Variants in LAMA2 observed in about 807,000 individuals in gnomAD.
LAMA2 encodes laminin subunit alpha 2.
Under a neutral mutation model 364.8 loss-of-function variants are expected in LAMA2, and 269 were observed. The observed-to-expected ratio is 0.74, with a 90% CI of 0.67 to 0.82. The LOEUF (loss-of-function observed/expected upper bound fraction) is 0.82. LAMA2 is among the 40% of genes least tolerant of loss of function. The pLI is 0.00. For missense variants in LAMA2, 3,807 were observed against 3,873.2 expected (o/e 0.98, Z 0.45); for synonymous variants, 1,379 against 1,370.6 (o/e 1.01, Z -0.14).
At chr6:129,036,763 G>T (rs1355965687) in intron 1 of LAMA2, among the ~76,000 whole-genome samples, 1 of 152,114 alleles carries the variant, frequency 6.6e-6, no homozygotes, top group Non-Finnish European at 1.5e-5. Flanking sequence ...CCTATAAACA[G>T]GAATAGAATA....
intron 1 of LAMA2, among the ~76,000 whole-genome samples, chr6:129,046,739 A>G (rs1787536159): frequency 6.6e-6 from 1 of 152,072 alleles, no homozygotes; most frequent in South Asian, 2.1e-4. Context: ...AAGTACTCTG[A>G]CTCACTCATC....
At chr6:129,289,339 C>T (rs1168507200) in intron 19 of LAMA2, among the ~76,000 whole-genome samples, 1 of 152,094 alleles carries the variant, frequency 6.6e-6, no homozygotes, top group Admixed American at 6.6e-5. Flanking sequence ...GATATTTGAC[C>T]TCCTTGAGAC....
At chr6:129,320,789 C>A in intron 28 of LAMA2, 134 bp downstream of exon 28, 2 of 694,846 alleles carry the variant, frequency 2.9e-6, no homozygotes, top group South Asian at 3.0e-5. Flanking sequence ...GTGTGAGACA[C>A]AGTGGCAAGA....
chr6:129,468,155 G>T lies in LAMA2; in HGVS notation c.7300+2866G>T, dbSNP rs188858797. Among the ~76,000 whole-genome samples the T allele has an allele frequency of 1.2e-3, 175 of 151,672 alleles. 1 individual carries two copies. The highest frequency in any genetic ancestry group is 2.1e-3 in the Non-Finnish European group (140 of 67,804). ...AGCAGTCATTCTCACTTTTATTTTGGGTATTAATGACATGAATCATTCTCC... is the reference window on the plus strand; with the variant it reads ...AGCAGTCATTCTCACTTTTATTTTGTGTATTAATGACATGAATCATTCTCC... On this transcript the variant is annotated intron_variant, in intron 51 of 64. Transcript: ENST00000421865.
chr6:129,440,349 A>G (rs1782044828), intron 42 of LAMA2, among the ~76,000 whole-genome samples: 1 of 151,834 alleles, frequency 6.6e-6, no homozygotes, highest in African/African-American at 2.4e-5. Context: ...AAAATTTCCA[A>G]TGCTGAAAAC....
chr6:129,373,401 C>T (rs1250482448), intron 34 of LAMA2, among the ~76,000 whole-genome samples: 1 of 152,140 alleles, frequency 6.6e-6, no homozygotes, highest in African/African-American at 2.4e-5. Context: ...TACTCCATTC[C>T]CAGTCTCCCC....
At chr6:129,312,179 A>C (rs1305184873) in intron 22 of LAMA2, among the ~76,000 whole-genome samples, 2 of 152,058 alleles carry the variant, frequency 1.3e-5, no homozygotes, top group Admixed American at 6.6e-5. Context: ...CCCAAGCTTC[A>C]GAAAATTCTA....
chr6:129,421,213 T>G (rs1781056313), intron 40 of LAMA2, among the ~76,000 whole-genome samples: 1 of 152,086 alleles, frequency 6.6e-6, no homozygotes, highest in African/African-American at 2.4e-5. Flanking sequence ...ACGTTTTAAA[T>G]TATCTCACAT....
chr6:129,076,451 TATATATA>T (rs1345495828), intron 3 of LAMA2, among the ~76,000 whole-genome samples: 2 of 141,962 alleles, frequency 1.4e-5, no homozygotes, highest in Non-Finnish European at 3.0e-5. Flanking sequence ...TATAATATAT[TATATATA>T]ATATATAATA....
intron 1 of LAMA2, among the ~76,000 whole-genome samples, chr6:128,914,918 A>T (rs1418380749): frequency 6.6e-6 from 1 of 152,156 alleles, no homozygotes; most frequent in Non-Finnish European, 1.5e-5. Context: ...CCATTTTTAA[A>T]TCATATTAAA....
chr6:128,895,852 G>T (rs1490168383), intron 1 of LAMA2, among the ~76,000 whole-genome samples: 1 of 152,038 alleles, frequency 6.6e-6, no homozygotes, highest in Non-Finnish European at 1.5e-5. Context: ...TCTAGCCTTT[G>T]AAGTTTTGTG....
At chr6:129,108,301 G>T (rs1470307253) in intron 4 of LAMA2, among the ~76,000 whole-genome samples, 1 of 151,944 alleles carries the variant, frequency 6.6e-6, no homozygotes, top group Non-Finnish European at 1.5e-5. Flanking sequence ...GGAATTTAAT[G>T]TATGTCAGTT....
At chr6:129,238,386 G>A (rs968747470) in intron 12 of LAMA2, among the ~76,000 whole-genome samples, 10 of 152,160 alleles carry the variant, frequency 6.6e-5, no homozygotes, top group African/African-American at 2.4e-4. Context: ...ACCCTTCAAA[G>A]TAGGTATTTT....
At chr6:128,960,462 A>ACCC (rs201946370) in intron 1 of LAMA2, among the ~76,000 whole-genome samples, 15 of 99,574 alleles carry the variant, frequency 1.5e-4, no homozygotes, top group African/African-American at 5.6e-4. Context: ...CCTTGGCCCC[A>ACCC]CCCCGCCCCC....
chr6:128,945,636 G>A (rs187963139), intron 1 of LAMA2, among the ~76,000 whole-genome samples: 16 of 152,332 alleles, frequency 1.1e-4, no homozygotes, highest in African/African-American at 3.8e-4. Flanking sequence ...TGACTTTTAA[G>A]TTGTGGTTGC....
At chr6:129,484,938 A>G (rs1027623482) in intron 55 of LAMA2, among the ~76,000 whole-genome samples, 14 of 152,328 alleles carry the variant, frequency 9.2e-5, no homozygotes, top group African/African-American at 2.2e-4. Context: ...TTACATGTAT[A>G]TCACTCATAT....
intron 4 of LAMA2, among the ~76,000 whole-genome samples, chr6:129,131,072 A>G (rs1057404088): frequency 6.6e-6 from 1 of 152,216 alleles, no homozygotes; most frequent in African/African-American, 2.4e-5. Flanking sequence ...AACCTATTAT[A>G]AATTCTTCTG....
chr6:129,463,010 T>A (rs1254981220), intron 49 of LAMA2, among the ~76,000 whole-genome samples: 1 of 152,018 alleles, frequency 6.6e-6, no homozygotes, highest in Non-Finnish European at 1.5e-5. Flanking sequence ...TTTTTAAAAG[T>A]GTATCTTATT....
intron 1 of LAMA2, among the ~76,000 whole-genome samples, chr6:129,031,858 C>T (rs1786252582): frequency 6.6e-6 from 1 of 151,586 alleles, no homozygotes; most frequent in Admixed American, 6.6e-5. Flanking sequence ...TGGAGTCTTA[C>T]TCTGTTGCCC....
Sources: gnomAD v4.1 joint callset for allele counts (sites outside exome capture counted in the v4.1 genomes callset) on GRCh38, gnomAD v4.1.1 for gene constraint, MANE v1.5 for transcripts, NCBI Gene and HGNC (gene_info 2026-07-23, HGNC 2026-07-21) for gene names.